Variants in NCOR2 observed in about 807,000 individuals in gnomAD.
NCOR2 encodes CTG repeat protein 26.
Under a neutral mutation model 262.9 loss-of-function variants are expected in NCOR2, and 81 were observed. The ratio of observed to expected loss-of-function variants is 0.31; its 90% CI spans 0.26 to 0.37. The LOEUF (loss-of-function observed/expected upper bound fraction) is 0.37. Ranked by LOEUF, NCOR2 falls within the 10% of genes least tolerant of loss-of-function variation. The pLI, the probability that NCOR2 is intolerant of heterozygous loss-of-function variation, is 1.00. For missense variants in NCOR2, 3,385 were observed against 3,621.4 expected (o/e 0.93, Z 1.68); for synonymous variants, 1,659 against 1,559.3 (o/e 1.06, Z -1.51).
chr12:124,554,686 G>A (rs1244867261), intron 1 of NCOR2, among the ~76,000 whole-genome samples: 3 of 152,234 alleles, frequency 2.0e-5, no homozygotes, highest in East Asian at 1.9e-4. Flanking sequence ...TGCGCAGCAC[G>A]CTTCCACCTT....
At chr12:124,372,562 G>C (rs1468469096) in exon 20 of NCOR2, 1 of 1,598,336 alleles carries the variant, frequency 6.3e-7, no homozygotes, top group East Asian at 2.2e-5. Flanking sequence ...GGCGGCCTCA[G>C]TGTGAGGAGA....
intron 20 of NCOR2, among the ~76,000 whole-genome samples, chr12:124,370,282 TCA>T (rs1194657783): frequency 6.6e-6 from 1 of 152,234 alleles, no homozygotes; most frequent in Non-Finnish European, 1.5e-5. Context: ...CGTCCACTTC[TCA>T]CACGCATGGG....
rs1040740313 is a variant in NCOR2, at chr12:124,333,933, C to T, written c.6605+491G>A. 5.1e-4 allele frequency among the ~76,000 whole-genome samples: 67 copies of T among 132,332 alleles called. No individual in the cohort carries two copies. In the East Asian group the frequency reaches 0.012, roughly 24 times the overall value. 86.8% of individuals were successfully genotyped at this position (132,332 alleles called of 152,430 possible). On this transcript the variant is annotated intron_variant, in intron 41 of 46. Coordinates refer to ENST00000405201, the Ensembl canonical transcript of NCOR2. ...GTGCGGGTGTGCATGTGTGTGCGCG[C>T]GCATGTGTGTGGGTGTGCACGTGTG...
intron 1 of NCOR2, among the ~76,000 whole-genome samples, chr12:124,516,182 C>A (rs1041807730): frequency 5.9e-5 from 9 of 152,226 alleles, no homozygotes; most frequent in Non-Finnish European, 1.3e-4. Flanking sequence ...CCTGCTGGCC[C>A]AAGAGCGGAG....
chr12:124,428,561 T>A (rs559971643), intron 10 of NCOR2, among the ~76,000 whole-genome samples: 1 of 152,114 alleles, frequency 6.6e-6, no homozygotes, highest in Non-Finnish European at 1.5e-5. Context: ...ATCTGTCTAA[T>A]CTGAGCATCA....
At chr12:124,488,932 G>A (rs552675903) in intron 1 of NCOR2, among the ~76,000 whole-genome samples, 4 of 151,974 alleles carry the variant, frequency 2.6e-5, no homozygotes, top group Non-Finnish European at 4.4e-5. Flanking sequence ...CAATTTAGGA[G>A]ATCCTCCTAG....
chr12:124,433,863 C>CACACACACACACACAA (rs2044140941), intron 8 of NCOR2, among the ~76,000 whole-genome samples: 1 of 60,270 alleles, frequency 1.7e-5, no homozygotes, highest in Non-Finnish European at 3.1e-5. Context: ...CACACACACA[C>CACACACACACACACAA]ACACACACAC....
At chr12:124,367,428 T>A (rs1358608929) in intron 20 of NCOR2, among the ~76,000 whole-genome samples, 1 of 151,984 alleles carries the variant, frequency 6.6e-6, no homozygotes, top group African/African-American at 2.4e-5. Context: ...AAGGGCTGGG[T>A]TCAAGTTCTC....
chr12:124,429,709 G>A lies in NCOR2; in HGVS notation c.1056-3C>T. On this transcript the variant is annotated splice_polypyrimidine_tract_variant and splice_region_variant and intron_variant, in intron 9 of 46. Coordinates refer to ENST00000405201, the Ensembl canonical transcript of NCOR2. ...CACTGCCCCGCTGGCCCACCCTGCTGGGGACCAAGGGGACACACTCAGGAC... is the reference window on the plus strand; with the variant it reads ...CACTGCCCCGCTGGCCCACCCTGCTAGGGACCAAGGGGACACACTCAGGAC... 3 of 1,594,602 alleles carry A rather than the reference G, an allele frequency of 1.9e-6. No homozygotes were observed. The highest frequency in any genetic ancestry group is 1.1e-5 in the South Asian group (1 of 88,230).
chr12:124,554,837 G>C (rs909231347), intron 1 of NCOR2, among the ~76,000 whole-genome samples: 1 of 152,262 alleles, frequency 6.6e-6, no homozygotes, highest in Admixed American at 6.5e-5. Context: ...GAGAAGCCAA[G>C]ACAGACAGGG....
intron 7 of NCOR2, among the ~76,000 whole-genome samples, chr12:124,438,598 C>A (rs1320209432): frequency 6.6e-6 from 1 of 152,080 alleles, no homozygotes; most frequent in Non-Finnish European, 1.5e-5. Flanking sequence ...CCCATGGGGT[C>A]TCAACCAAGC....
At chr12:124,400,479 G>A (rs750953652) in intron 15 of NCOR2, 22 bp downstream of exon 17, 19 of 1,604,054 alleles carry the variant, frequency 1.2e-5, no homozygotes, top group Admixed American at 1.0e-4. Flanking sequence ...TTCCCCACCC[G>A]CATCCCTGGC....
In NCOR2 at chr12:124,483,694, T is replaced by C. The variant is rs183845640; in HGVS notation, c.313A>G (p.Ser105Gly). 466 of 1,612,170 alleles carry C rather than the reference T, an allele frequency of 2.9e-4. 1 individual carries two copies. In the East Asian group the frequency reaches 9.0e-3, roughly 31 times the overall value. ...AGCAGCTCTAGCCGAGGGCGCTTGC[T>C]TTCAATGAACTCCATCTCTGACTTC... The change falls in exon 3 of 47, where the codon AGC becomes GGC. Residue 105 changes from serine (S) to glycine (G), a missense_variant. By Grantham distance (56) the Ser-to-Gly change is moderately conservative. Around this residue, in one of 5 missense-constraint regions of NCOR2, gnomAD observed 237 missense variants for 229.4 expected, o/e 1.03. Coordinates refer to ENST00000405201, the Ensembl canonical transcript of NCOR2. The surrounding 1 kb of genome is among the most constrained non-coding windows in gnomAD (Gnocchi z 6.3).
intron 8 of NCOR2, among the ~76,000 whole-genome samples, chr12:124,437,534 T>C (rs929006877): frequency 5.3e-5 from 8 of 152,178 alleles, no homozygotes; most frequent in South Asian, 4.1e-4. Flanking sequence ...AAAGGCTCAT[T>C]TGTAAGGGTG....
intron 28 of NCOR2, among the ~76,000 whole-genome samples, chr12:124,349,935 C>G (rs1196559808): frequency 6.6e-6 from 1 of 152,188 alleles, no homozygotes; most frequent in African/African-American, 2.4e-5. Flanking sequence ...TCCTAAGCCA[C>G]ACGGTGCCAC....
In NCOR2 at chr12:124,535,219, C is replaced by T. The variant is rs11057662; in HGVS notation, c.-118+346G>A. 0.014 allele frequency among the ~76,000 whole-genome samples: 2,123 copies of T among 152,342 alleles called. 135 individuals are homozygous for T. In the East Asian group the frequency reaches 0.17, roughly 12 times the overall value. On this transcript the variant is annotated intron_variant, in intron 1 of 46. Transcript: ENST00000404621. ...ACCCTGGCCAAACCTGCGGGCCCAC[C>T]GCCAAAGCACAAAAGCAATGTGACC...
chr12:124,544,777 C>G (rs2051488308), intron 1 of NCOR2, among the ~76,000 whole-genome samples: 4 of 152,116 alleles, frequency 2.6e-5, no homozygotes, highest in Admixed American at 2.6e-4. Flanking sequence ...TACAGAGTCC[C>G]CGGTGGGCCC....
At chr12:124,433,414 C>G (rs768172662) in intron 8 of NCOR2, among the ~76,000 whole-genome samples, 4 of 152,268 alleles carry the variant, frequency 2.6e-5, no homozygotes, top group Admixed American at 1.3e-4. Context: ...TGCAGACCAG[C>G]GGGCGGAAGC....
intron 13 of NCOR2, among the ~76,000 whole-genome samples, chr12:124,416,697 C>T (rs112577830): frequency 0.025 from 3,597 of 145,176 alleles, 58 homozygotes; most frequent in Middle Eastern, 0.061. Flanking sequence ...AGGGAGTCCC[C>T]GCGGCACAGA....
Sources: gnomAD v4.1 joint callset for allele counts (sites outside exome capture counted in the v4.1 genomes callset) on GRCh38, gnomAD v4.1.1 for gene constraint, gnomAD v4.1.1 regional missense constraint, Gnocchi (gnomAD v3.1) non-coding constraint, MANE v1.5 for transcripts, NCBI Gene and HGNC (gene_info 2026-07-23, HGNC 2026-07-21) for gene names.